The following CATSPERT variants were observed in gnomAD, a reference collection of about 807,000 sequenced individuals.
CATSPERT encodes the protein catsper channel auxiliary subunit tau.
chr2:201,491,116 T>G, the CATSPERT span: 2 of 1,414,698 alleles, frequency 1.4e-6, no homozygotes, highest in Non-Finnish European at 1.9e-6. Flanking sequence ...CCCTAAATTA[T>G]TGCCAGAACT....
the CATSPERT span, among the ~76,000 whole-genome samples, chr2:201,516,867 C>T: frequency 2.0e-4 from 30 of 149,744 alleles, no homozygotes; most frequent in Admixed American, 1.1e-3. Context: ...AGACTAGGTG[C>T]GTAGGGAGAG....
At chr2:201,556,755 A>T in the CATSPERT span, 2 of 152,140 alleles carry the variant, frequency 1.3e-5, no homozygotes, top group Admixed American at 1.3e-4. Flanking sequence ...TGAACCTGGG[A>T]GGCAGAAGTT....
the CATSPERT span, among the ~76,000 whole-genome samples, chr2:201,584,419 A>T: frequency 6.6e-6 from 1 of 152,210 alleles, no homozygotes; most frequent in African/African-American, 2.4e-5. Flanking sequence ...AGAATACCTA[A>T]CGTAAGTTAA....
chr2:201,555,176 AAT>A, the CATSPERT span: 5 of 152,206 alleles, frequency 3.3e-5, no homozygotes, highest in African/African-American at 1.2e-4. Context: ...CCCCGTGATG[AAT>A]AATTATAACA....
At chr2:201,574,398 A>C in the CATSPERT span, 1 of 710,244 alleles carries the variant, frequency 1.4e-6, no homozygotes, top group Non-Finnish European at 2.2e-6. Context: ...GAATCTCCTG[A>C]CTTTTAAAAA....
At chr2:201,588,981 A>G in the CATSPERT span, among the ~76,000 whole-genome samples, 2 of 151,904 alleles carry the variant, frequency 1.3e-5, no homozygotes, top group Non-Finnish European at 2.9e-5. Flanking sequence ...CAAGAACTGA[A>G]TCAGGAATGA....
chr2:201,573,098 T>C, the CATSPERT span, among the ~76,000 whole-genome samples: 1 of 152,362 alleles, frequency 6.6e-6, no homozygotes, highest in East Asian at 1.9e-4. Flanking sequence ...AAGAGTTCTT[T>C]CAATATTTGA....
At chr2:201,527,093 T>C in the CATSPERT span, among the ~76,000 whole-genome samples, 2 of 152,132 alleles carry the variant, frequency 1.3e-5, no homozygotes, top group Non-Finnish European at 2.9e-5. Flanking sequence ...ATAAAAATCA[T>C]TAGCATTTCT....
chr2:201,585,036 A>G, the CATSPERT span, among the ~76,000 whole-genome samples: 2 of 152,184 alleles, frequency 1.3e-5, no homozygotes, highest in Non-Finnish European at 2.9e-5. Context: ...AGATAGTGAA[A>G]TACTTCAGAA....
At chr2:201,509,241 T>G in the CATSPERT span, among the ~76,000 whole-genome samples, 1 of 151,032 alleles carries the variant, frequency 6.6e-6, no homozygotes, top group East Asian at 1.9e-4. Context: ...ATTTGTCTTA[T>G]GATTTGTAAT....
At chr2:201,544,998 G>GATAATAATA in the CATSPERT span, among the ~76,000 whole-genome samples, 29 of 149,386 alleles carry the variant, frequency 1.9e-4, no homozygotes, top group Admixed American at 2.7e-4. Flanking sequence ...CCCTGTCTCA[G>GATAATAATA]ATAATAATAA....
At chr2:201,591,548 G>A in the CATSPERT span, among the ~76,000 whole-genome samples, 6 of 151,912 alleles carry the variant, frequency 3.9e-5, no homozygotes, top group Admixed American at 1.3e-4. Flanking sequence ...TGATGGGGAT[G>A]GCATTGAATC....
chr2:201,546,714 T>A, the CATSPERT span, among the ~76,000 whole-genome samples: 1 of 152,156 alleles, frequency 6.6e-6, no homozygotes, highest in African/African-American at 2.4e-5. Flanking sequence ...GAAAACGGTT[T>A]GGAAGCTCCT....
the CATSPERT span, among the ~76,000 whole-genome samples, chr2:201,591,760 G>A: frequency 6.6e-6 from 1 of 151,928 alleles, no homozygotes; most frequent in Non-Finnish European, 1.5e-5. Context: ...GTGAATGGGA[G>A]TTCACTCATG....
the CATSPERT span, among the ~76,000 whole-genome samples, chr2:201,567,352 G>A: frequency 6.6e-6 from 1 of 152,020 alleles, no homozygotes; most frequent in African/African-American, 2.4e-5. Flanking sequence ...TATTAGTCAG[G>A]GTTGTCCATA....
chr2:201,592,019 T>G, the CATSPERT span, among the ~76,000 whole-genome samples: 1 of 152,084 alleles, frequency 6.6e-6, no homozygotes, highest in Non-Finnish European at 1.5e-5. Flanking sequence ...CTTCCAACAC[T>G]ATGTTGAATA....
chr2:201,519,901 C>T, the CATSPERT span, among the ~76,000 whole-genome samples: 20 of 151,372 alleles, frequency 1.3e-4, no homozygotes, highest in Non-Finnish European at 2.9e-4. Context: ...ATAAACATAA[C>T]AAGATGCAAA....
chr2:201,574,178 C>T, the CATSPERT span: 4 of 1,503,150 alleles, frequency 2.7e-6, no homozygotes, highest in South Asian at 2.5e-5. Context: ...AGAGTTACAA[C>T]AGAATAATCT....
At chr2:201,610,283 T>C in the CATSPERT span, among the ~76,000 whole-genome samples, 54 of 151,922 alleles carry the variant, frequency 3.6e-4, no homozygotes, top group Non-Finnish European at 4.3e-4. Context: ...TGAAACCCCG[T>C]CTCTACTAAA....
Sources: gnomAD v4.1 joint callset for allele counts (sites outside exome capture counted in the v4.1 genomes callset) on GRCh38, gnomAD v4.1.1 for gene constraint, MANE v1.5 for transcripts, NCBI Gene and HGNC (gene_info 2026-07-23, HGNC 2026-07-21) for gene names.